The following CCDC88C variants were observed in gnomAD, a reference collection of about 807,000 sequenced individuals.
CCDC88C encodes coiled-coil and HOOK domain protein 88C.
A neutral mutation model predicts 198.8 loss-of-function variants in CCDC88C; 131 were observed. The observed-to-expected ratio is 0.66, with a 90% CI of 0.57 to 0.76. The LOEUF (loss-of-function observed/expected upper bound fraction) is 0.76, where lower values mean the gene tolerates loss of function less well. Among genes scored for constraint, CCDC88C ranks in the 30% least tolerant of loss-of-function variants. The pLI is 0.00. For synonymous variants in CCDC88C, 1,166 were observed against 1,114.7 expected (o/e 1.05, Z -0.92); for missense variants, 2,553 against 2,631.6 (o/e 0.97, Z 0.65).
intron 4 of CCDC88C, among the ~76,000 whole-genome samples, chr14:91,347,088 C>T (rs1055018681): frequency 6.6e-6 from 1 of 152,058 alleles, no homozygotes; most frequent in Non-Finnish European, 1.5e-5. Flanking sequence ...CCTTCCCAGC[C>T]GTCACTGGCT....
At chr14:91,401,315 A>G (rs898474446) in intron 3 of CCDC88C, among the ~76,000 whole-genome samples, 4 of 101,638 alleles carry the variant, frequency 3.9e-5, no homozygotes, top group Non-Finnish European at 6.1e-5. Flanking sequence ...GTATATATTT[A>G]TTATATATTA....
intron 2 of CCDC88C, among the ~76,000 whole-genome samples, chr14:91,409,595 C>G (rs1421786657): frequency 6.6e-6 from 1 of 151,424 alleles, no homozygotes; most frequent in Non-Finnish European, 1.5e-5. Flanking sequence ...TCCAGCGATT[C>G]TCCCACCTCA....
rs1490590714 is a variant in CCDC88C, at chr14:91,408,751, T to A, written c.178A>T (p.Asn60Tyr). The A allele has an allele frequency of 6.2e-7, 1 of 1,613,310 alleles. No individual in the cohort carries two copies. Among genetic ancestry groups the A allele is most frequent in the Non-Finnish European group, 8.5e-7 (1 of 1,179,376 alleles). ...TTGACGTGCTTATTGATGCGTTGAT[T>A]TGTGGGCCTGGGATCTCTAGGGGAA... ...IMLQIDPRPT[N>Y]QRINKHVNND... Residue 60 changes from asparagine (N) to tyrosine (Y), a missense_variant, in exon 3 of 30, where the codon AAT becomes TAT. By Grantham distance (143) the Asn-to-Tyr change is moderately radical (BLOSUM62 -2). Transcript: ENST00000389857.
intron 3 of CCDC88C, among the ~76,000 whole-genome samples, chr14:91,380,038 C>T (rs1428598266): frequency 6.6e-6 from 1 of 152,180 alleles, no homozygotes; most frequent in Non-Finnish European, 1.5e-5. Flanking sequence ...TTTCTCCTTA[C>T]AGGGGTGTCT....
chr14:91,374,195 G>A lies in CCDC88C; in HGVS notation c.271-14484C>T, dbSNP rs115877561. Among the ~76,000 whole-genome samples the A allele has an allele frequency of 3.1e-3, 471 of 152,332 alleles. 2 individuals carry two copies. Among genetic ancestry groups the A allele is most frequent in the African/African-American group, 0.011 (451 of 41,570 alleles). On this transcript the variant is annotated intron_variant, in intron 3 of 29. Coordinates refer to ENST00000389857, the MANE Select transcript of CCDC88C (RefSeq NM_001080414.4). ...CTAAACGCACCCTCCCCCATCTACAGTGTAAAGAACACTTTATTTCGAACA... is the reference window on the plus strand; with the variant it reads ...CTAAACGCACCCTCCCCCATCTACAATGTAAAGAACACTTTATTTCGAACA...
In CCDC88C at chr14:91,381,696, T is replaced by C. The variant is rs145650986; in HGVS notation, c.271-21985A>G. Among the ~76,000 whole-genome samples, 1 of 152,166 alleles carries C rather than the reference T, an allele frequency of 6.6e-6. No individual in the cohort carries two copies. Among genetic ancestry groups the C allele is most frequent in the South Asian group, 2.1e-4 (1 of 4,834 alleles). On this transcript the variant is annotated intron_variant, in intron 3 of 29. Transcript: ENST00000389857. This position sits in a 1 kb window ranked among gnomAD's most constrained non-coding sequence, Gnocchi z 4.2. The stretch of plus-strand genomic sequence containing the variant: ...AAAAATACAAACAATTATCTGGGCA[T>C]GGTGGCGCGTGCATGTAATTCCAGG...
chr14:91,341,917 C>T (rs976730117), intron 6 of CCDC88C, among the ~76,000 whole-genome samples: 2 of 152,162 alleles, frequency 1.3e-5, no homozygotes, highest in Admixed American at 6.5e-5. Flanking sequence ...TTCTGGGACT[C>T]GCTGGTTTTG....
chr14:91,277,995 G>A lies in CCDC88C; in HGVS notation c.4985C>T (p.Ser1662Leu), dbSNP rs745441518. ...APPYVGVRPC[S>L]ASPSSEMVTL... The stretch of plus-strand genomic sequence containing the variant: ...GACCATCTCACTGCTGGGGGAGGCC[G>A]AGCAGGGCCGCACTCCGACGTAGGG... The change falls in exon 29 of 30, where the codon TCG becomes TTG. Residue 1662 changes from serine (S) to leucine (L), a missense_variant. Transcript: ENST00000389857. The A allele has an allele frequency of 8.3e-6, 13 of 1,573,806 alleles. No homozygotes were observed. The highest frequency in any genetic ancestry group is 2.3e-5 in the East Asian group (1 of 42,584).
intron 13 of CCDC88C, among the ~76,000 whole-genome samples, chr14:91,320,502 C>T (rs1377950366): frequency 6.6e-6 from 1 of 152,220 alleles, no homozygotes; most frequent in Non-Finnish European, 1.5e-5. Context: ...ACAAGGAATA[C>T]TAAGCCATCT....
rs566562797 is a variant in CCDC88C, at chr14:91,379,961, C to G, written c.271-20250G>C. The G allele has an allele frequency of 2.9e-5, 20 of 700,472 alleles. No homozygotes were observed. In the African/African-American group the frequency reaches 3.5e-4, roughly 12 times the overall value. 43.4% of individuals were successfully genotyped at this position (700,472 alleles called of 1,614,324 possible). On this transcript the variant is annotated intron_variant, in intron 3 of 29. Coordinates refer to ENST00000389857, the MANE Select transcript of CCDC88C (RefSeq NM_001080414.4). ...GAATACAGGCTCACTACGGGGATAT[C>G]GAAAGGGGTAAAACTGTTGGGAACT...
intron 13 of CCDC88C, among the ~76,000 whole-genome samples, chr14:91,317,950 C>T (rs1194997221): frequency 2.0e-5 from 3 of 152,194 alleles, no homozygotes; most frequent in Non-Finnish European, 4.4e-5. Context: ...CAGAAGGGGC[C>T]CCAAAATATC....
At chr14:91,342,067 C>A (rs1465870138) in intron 6 of CCDC88C, 1 of 245,404 alleles carries the variant, frequency 4.1e-6, no homozygotes, top group African/African-American at 2.3e-5. Flanking sequence ...AAACTCTGGG[C>A]CTCAACCAGT....
In CCDC88C at chr14:91,314,211, G is replaced by A. The variant is rs563433945; in HGVS notation, c.1666-61C>T. ...TGCAGGAACCTATTTCAGTGACATG[G>A]GCTCACACTGGGGATGGGAGAGAGA... On this transcript the variant is annotated intron_variant, in intron 14 of 29. Coordinates refer to ENST00000389857, the MANE Select transcript of CCDC88C (RefSeq NM_001080414.4). 1.5e-5 allele frequency: 20 copies of A among 1,335,200 alleles called. No homozygotes were observed. The East Asian group carries it at 4.7e-4, about 31-fold the overall frequency. The allele number at this position is 1,335,200 out of a possible 1,614,324, so 82.7% of individuals were successfully genotyped here. A position where few individuals can be genotyped will look rare whatever the true frequency, so the allele number is the denominator to read the frequency against.
chr14:91,404,306 G>A (rs1886365256), intron 3 of CCDC88C, among the ~76,000 whole-genome samples: 1 of 152,172 alleles, frequency 6.6e-6, no homozygotes, highest in Non-Finnish European at 1.5e-5. Flanking sequence ...CTGAGACCCT[G>A]CCTTCCTGTC....
chr14:91,373,957 C>G (rs1894955819), intron 3 of CCDC88C, among the ~76,000 whole-genome samples: 3 of 152,222 alleles, frequency 2.0e-5, no homozygotes, highest in Non-Finnish European at 4.4e-5. Flanking sequence ...TCAGTGCCCC[C>G]AGGCCCCTCT....
intron 4 of CCDC88C, among the ~76,000 whole-genome samples, chr14:91,351,676 T>C (rs1174880030): frequency 1.3e-5 from 2 of 151,918 alleles, no homozygotes; most frequent in South Asian, 2.1e-4. Context: ...TTATCAAACG[T>C]GGACTCTGGC....
At position 91,283,464 on chromosome 14, in the gene CCDC88C, G is replaced by A. The variant is rs374862964; in HGVS notation, c.4495C>T (p.Arg1499Cys). 1.3e-4 allele frequency: 205 copies of A among 1,613,032 alleles called. No homozygotes were observed. The highest frequency in any genetic ancestry group is 2.5e-4 in the African/African-American group (19 of 75,046). Residue 1499 changes from arginine to cysteine, a missense_variant, in exon 26 of 30, where the codon CGC becomes TGC. This residue lies in a region of CCDC88C where 1,293 missense variants were observed against 1,219.6 expected (regional missense o/e 1.06). Coordinates refer to ENST00000389857, the MANE Select transcript of CCDC88C (RefSeq NM_001080414.4). ...GCCAGATCGGTGGAGGCATCTGTGC[G>A]GTCAAGGCTGCCTCTGTGTGGGGAG... ...RGSPHRGSLDRTDASTDLAMR... is the reference protein window; with the variant it reads ...RGSPHRGSLDCTDASTDLAMR...
chr14:91,329,324 C>G (rs1461581794), intron 10 of CCDC88C, among the ~76,000 whole-genome samples: 1 of 152,226 alleles, frequency 6.6e-6, no homozygotes, highest in Non-Finnish European at 1.5e-5. Flanking sequence ...CAGGTGGGAA[C>G]AGAAGACTTC....
chr14:91,392,693 C>T lies in CCDC88C; in HGVS notation c.270+15966G>A, dbSNP rs185539521. Among the ~76,000 whole-genome samples the T allele has an allele frequency of 9.9e-5, 15 of 151,988 alleles. No individual in the cohort carries two copies. In the East Asian group the frequency reaches 2.7e-3, roughly 27 times the overall value. ...GTTCTTGAAGGCAGCACCAGGGACC[C>T]CAGCAAGGGCGGCCCCTCACTGCAA... On this transcript the variant is annotated intron_variant, in intron 3 of 29. Coordinates refer to ENST00000389857, the MANE Select transcript of CCDC88C (RefSeq NM_001080414.4).
Sources: allele counts gnomAD v4.1 joint callset (sites outside exome capture counted in the v4.1 genomes callset), GRCh38; gene constraint gnomAD v4.1.1; regional missense constraint gnomAD v4.1.1; non-coding constraint Gnocchi (gnomAD v3.1); transcripts MANE v1.5; gene names NCBI Gene and HGNC (gene_info 2026-07-23, HGNC 2026-07-21).